The following ZNF704 variants were observed in gnomAD, a reference collection of about 807,000 sequenced individuals.
ZNF704 encodes zinc finger protein 704.
A neutral mutation model predicts 44.7 loss-of-function variants in ZNF704; 10 were observed. The observed-to-expected ratio is 0.22, with a 90% CI of 0.14 to 0.38. The LOEUF (loss-of-function observed/expected upper bound fraction) is 0.38. Ranked by LOEUF, ZNF704 falls within the 10% of genes least tolerant of loss-of-function variation. ZNF704 has a pLI of 1.00. For missense variants in ZNF704, 390 were observed against 545.5 expected, an observed-to-expected ratio of 0.71 and a Z score of 2.84; for synonymous variants, 211 against 207.6, an observed-to-expected ratio of 1.02 and a Z score of -0.14.
At chr8:80,750,104 G>A (rs919220749) in intron 2 of ZNF704, among the ~76,000 whole-genome samples, 1 of 152,110 alleles carries the variant, frequency 6.6e-6, no homozygotes, top group Non-Finnish European at 1.5e-5. Context: ...ATCAGGCCAG[G>A]AGTTCAGGAT....
At chr8:80,779,105 T>G (rs911909650) in intron 2 of ZNF704, among the ~76,000 whole-genome samples, 3 of 151,316 alleles carry the variant, frequency 2.0e-5, no homozygotes, top group Non-Finnish European at 4.4e-5. Flanking sequence ...TCTTCCTTCC[T>G]TCCTCTCCTT....
chr8:80,632,623 G>C lies in ZNF704; in HGVS notation c.*8743C>G, dbSNP rs1817605270. 1 of 152,182 alleles carries C rather than the reference G, an allele frequency of 6.6e-6. No individual in the cohort carries two copies. Among genetic ancestry groups the C allele is most frequent in the Non-Finnish European group, 1.5e-5 (1 of 68,022 alleles). 9.4% of individuals were successfully genotyped at this position (152,182 alleles called of 1,614,324 possible). ...ATAAATCAAGGGGATCTTCTCTTTA[G>C]AAGTTGGTAGTTATTAACTATGTGG... On this transcript the variant is annotated 3_prime_UTR_variant, in exon 9 of 9. Coordinates refer to ENST00000327835, the MANE Select transcript of ZNF704 (RefSeq NM_001033723.3).
intron 1 of ZNF704, among the ~76,000 whole-genome samples, chr8:80,850,829 C>T (rs1380212729): frequency 1.3e-5 from 2 of 152,120 alleles, no homozygotes; most frequent in African/African-American, 2.4e-5. Context: ...ACTGAAACAC[C>T]TCACCTGGGA....
intron 1 of ZNF704, among the ~76,000 whole-genome samples, chr8:80,847,619 G>A (rs1350597407): frequency 1.3e-5 from 2 of 152,142 alleles, no homozygotes; most frequent in Admixed American, 6.5e-5. Context: ...TACCAGCAGA[G>A]CACATCAATG....
intron 1 of ZNF704, among the ~76,000 whole-genome samples, chr8:80,845,700 C>T (rs1201749691): frequency 6.6e-6 from 1 of 152,130 alleles, no homozygotes; most frequent in Admixed American, 6.5e-5. Flanking sequence ...CAAATACCCC[C>T]AAACAGAGGA....
chr8:80,825,383 A>T (rs1189584745), intron 1 of ZNF704, among the ~76,000 whole-genome samples: 1 of 152,242 alleles, frequency 6.6e-6, no homozygotes, highest in Non-Finnish European at 1.5e-5. Flanking sequence ...TAACTATCCT[A>T]AATATTTATA....
chr8:80,651,255 C>G (rs879490577), intron 7 of ZNF704, among the ~76,000 whole-genome samples: 1 of 152,186 alleles, frequency 6.6e-6, no homozygotes, highest in Non-Finnish European at 1.5e-5. Flanking sequence ...GAAACTGCAT[C>G]AAGTAACGAG....
At chr8:80,720,765 C>A (rs948899234) in intron 2 of ZNF704, among the ~76,000 whole-genome samples, 1 of 152,210 alleles carries the variant, frequency 6.6e-6, no homozygotes, top group Non-Finnish European at 1.5e-5. Flanking sequence ...AACTCAGAAG[C>A]GGACCAAAGC....
At chr8:80,816,320 C>T (rs1475506753) in intron 2 of ZNF704, among the ~76,000 whole-genome samples, 3 of 152,208 alleles carry the variant, frequency 2.0e-5, no homozygotes, top group Non-Finnish European at 4.4e-5. Flanking sequence ...ATTTAAACAT[C>T]CTTCACACAA....
intron 1 of ZNF704, among the ~76,000 whole-genome samples, chr8:80,847,921 G>A (rs1808793536): frequency 6.6e-6 from 1 of 152,156 alleles, no homozygotes; most frequent in African/African-American, 2.4e-5. Context: ...GAAAGCAATT[G>A]TACTTTTAGG....
intron 7 of ZNF704, chr8:80,645,040 T>C (rs1585918289): frequency 1.5e-6 from 2 of 1,321,424 alleles, no homozygotes; most frequent in Non-Finnish European, 1.1e-6. Context: ...ATGCCAAGAT[T>C]CCTCCATTCA....
intron 2 of ZNF704, among the ~76,000 whole-genome samples, chr8:80,777,821 T>C (rs185941969): frequency 6.7e-4 from 101 of 151,372 alleles, no homozygotes; most frequent in African/African-American, 2.4e-3. Context: ...AGAGGTTGCA[T>C]TGAGCCGAGA....
chr8:80,651,778 G>A (rs1817924304), intron 7 of ZNF704, among the ~76,000 whole-genome samples: 1 of 152,096 alleles, frequency 6.6e-6, no homozygotes, highest in Non-Finnish European at 1.5e-5. Context: ...AATTTACAAG[G>A]ATATCCAGGA....
Position 80,647,857 on chromosome 8 carries a change from A to G in ZNF704, c.1033-4728T>C, listed in dbSNP as rs114053456. On this transcript the variant is annotated intron_variant, in intron 7 of 8. Transcript: ENST00000327835. Reference sequence around the variant, plus strand: ...GGAACAGGCTTTTGAAAATTCCAGGAACAGGGTTTGAGGGACATGGATTGT... The same window carrying G: ...GGAACAGGCTTTTGAAAATTCCAGGGACAGGGTTTGAGGGACATGGATTGT... Among the ~76,000 whole-genome samples the G allele has an allele frequency of 4.4e-3, 674 of 152,296 alleles. 5 individuals carry two copies. Among genetic ancestry groups the G allele is most frequent in the African/African-American group, 0.016 (648 of 41,550 alleles).
chr8:80,838,892 G>A (rs548151183), intron 1 of ZNF704, among the ~76,000 whole-genome samples: 2 of 152,220 alleles, frequency 1.3e-5, no homozygotes, highest in East Asian at 3.9e-4. Context: ...AGGAAGAGGA[G>A]GAGGAGGAGA....
At chr8:80,745,904 T>C (rs1342655635) in intron 2 of ZNF704, among the ~76,000 whole-genome samples, 1 of 152,092 alleles carries the variant, frequency 6.6e-6, no homozygotes, top group Admixed American at 6.6e-5. Context: ...AAGGAAAACA[T>C]CAAAATCGTC....
chr8:80,709,800 G>A (rs1384463011), intron 2 of ZNF704, among the ~76,000 whole-genome samples: 1 of 152,214 alleles, frequency 6.6e-6, no homozygotes, highest in Non-Finnish European at 1.5e-5. Context: ...CAGCCCCAGG[G>A]AGGATGGCCT....
chr8:80,698,544 G>T (rs1295546519), intron 2 of ZNF704, among the ~76,000 whole-genome samples: 2 of 152,166 alleles, frequency 1.3e-5, no homozygotes, highest in African/African-American at 2.4e-5. Context: ...AGTGGAATGG[G>T]GTTGGGAGAG....
intron 1 of ZNF704, among the ~76,000 whole-genome samples, chr8:80,830,396 C>T (rs1384433524): frequency 1.3e-5 from 2 of 152,060 alleles, no homozygotes; most frequent in Non-Finnish European, 2.9e-5. Flanking sequence ...AATATAATTC[C>T]ATTCATATGA....
Sources: allele counts gnomAD v4.1 joint callset (sites outside exome capture counted in the v4.1 genomes callset), GRCh38; gene constraint gnomAD v4.1.1; transcripts MANE v1.5; gene names NCBI Gene and HGNC (gene_info 2026-07-23, HGNC 2026-07-21).